Variants in GALNT18 observed in about 807,000 individuals in gnomAD.
GALNT18 encodes the protein polypeptide N-acetylgalactosaminyltransferase 18, also known as GalNAc-transferase 18.
A neutral mutation model predicts 69.5 loss-of-function variants in GALNT18; 44 were observed. The ratio of observed to expected loss-of-function variants is 0.63; its 90% CI spans 0.50 to 0.81. The LOEUF is 0.81. Among genes scored for constraint, GALNT18 ranks in the 40% least tolerant of loss-of-function variants. The pLI is 0.00. For missense variants in GALNT18, 715 were observed against 810.0 expected, an observed-to-expected ratio of 0.88 and a Z score of 1.42; for synonymous variants, 364 against 318.2, an observed-to-expected ratio of 1.14 and a Z score of -1.53.
chr11:11,593,744 C>G lies in GALNT18; in HGVS notation c.235+27615G>C, dbSNP rs1489156278. Among the ~76,000 whole-genome samples, 6 of 152,236 alleles carry G rather than the reference C, an allele frequency of 3.9e-5. No individual in the cohort carries two copies. The East Asian group carries it at 1.2e-3, about 29-fold the overall frequency. On this transcript the variant is annotated intron_variant, in intron 1 of 10. Coordinates refer to ENST00000227756, the MANE Select transcript of GALNT18 (RefSeq NM_198516.3). ...AGGAGTTTGAGACCAGCCTGGGTAA[C>G]ACAGCAAGACCCCATTTCTAACAAA...
At chr11:11,391,174 A>T (rs1589963106) in intron 3 of GALNT18, among the ~76,000 whole-genome samples, 1 of 152,204 alleles carries the variant, frequency 6.6e-6, no homozygotes, top group Non-Finnish European at 1.5e-5. Context: ...TTCAAGGGCC[A>T]CTTACCACCT....
intron 10 of GALNT18, among the ~76,000 whole-genome samples, chr11:11,287,284 ACAT>A (rs1390485660): frequency 2.6e-5 from 4 of 152,366 alleles, no homozygotes; most frequent in African/African-American, 9.6e-5. Flanking sequence ...TTGGAGGACC[ACAT>A]CATAACAACA....
chr11:11,373,641 T>C lies in GALNT18; in HGVS notation c.978-1012A>G, dbSNP rs117932721. On this transcript the variant is annotated intron_variant, in intron 5 of 10. Transcript: ENST00000227756. ...GGCTGGAACAACCTGCCAACAGCTA[T>C]GGGGTCCAGGAGCTGGAAGGCTTTT... Among the ~76,000 whole-genome samples, 555 of 152,352 alleles carry C rather than the reference T, an allele frequency of 3.6e-3. 2 individuals carry two copies. Among genetic ancestry groups the C allele is most frequent in the Non-Finnish European group, 6.5e-3 (439 of 68,026 alleles).
intron 10 of GALNT18, among the ~76,000 whole-genome samples, chr11:11,285,142 C>G (rs921742769): frequency 1.3e-5 from 2 of 151,958 alleles, no homozygotes; most frequent in Non-Finnish European, 2.9e-5. Flanking sequence ...ATATTTGCGA[C>G]AGGCTCAGCA....
intron 1 of GALNT18, among the ~76,000 whole-genome samples, chr11:11,560,151 T>C (rs1415627091): frequency 9.7e-5 from 14 of 144,276 alleles, no homozygotes; most frequent in African/African-American, 3.2e-4. Context: ...GAATGGGATA[T>C]GATGGGATGT....
Position 11,564,372 on chromosome 11 carries a change from A to G in GALNT18, c.235+56987T>C, listed in dbSNP as rs2133987639. Among the ~76,000 whole-genome samples, 1 of 152,266 alleles carries G rather than the reference A, an allele frequency of 6.6e-6. No homozygotes were observed. The highest frequency in any genetic ancestry group is 2.1e-4 in the South Asian group (1 of 4,816). On this transcript the variant is annotated intron_variant, in intron 1 of 10. Coordinates refer to ENST00000227756, the MANE Select transcript of GALNT18 (RefSeq NM_198516.3). This position sits in a 1 kb window ranked among gnomAD's most constrained non-coding sequence, Gnocchi z 4.3. ...CTGGCAACTCCAGCTGAGAACCCAAATCCCCGGAAGGATTCCAGGCAAGTG... is the reference window on the plus strand; with the variant it reads ...CTGGCAACTCCAGCTGAGAACCCAAGTCCCCGGAAGGATTCCAGGCAAGTG...
chr11:11,431,253 T>C (rs1276995957), intron 3 of GALNT18, among the ~76,000 whole-genome samples: 1 of 152,150 alleles, frequency 6.6e-6, no homozygotes, highest in Non-Finnish European at 1.5e-5. Flanking sequence ...CCTTACAATG[T>C]AAGACGTGAG....
intron 1 of GALNT18, among the ~76,000 whole-genome samples, chr11:11,473,556 G>C (rs749045451): frequency 1.3e-5 from 2 of 152,276 alleles, no homozygotes; most frequent in African/African-American, 2.4e-5. Flanking sequence ...TGCAGACGGT[G>C]CAGAGTGAAA....
At chr11:11,608,982 T>C (rs935969696) in intron 1 of GALNT18, among the ~76,000 whole-genome samples, 2 of 152,240 alleles carry the variant, frequency 1.3e-5, no homozygotes, top group Non-Finnish European at 2.9e-5. Flanking sequence ...TTAACCCTCA[T>C]TACATGAGTT....
Position 11,372,010 on chromosome 11 carries a change from A to C in GALNT18, c.1092+505T>G, listed in dbSNP as rs547763048. On this transcript the variant is annotated intron_variant, in intron 6 of 10. Coordinates refer to ENST00000227756, the MANE Select transcript of GALNT18 (RefSeq NM_198516.3). This position sits in a 1 kb window ranked among gnomAD's most constrained non-coding sequence, Gnocchi z 4.9. Reference sequence around the variant, plus strand: ...TGGCTAGCACCTGGGATCAGAAAGCAGCCTGCAGTGAGCCTGGCTGCATCT... The same window carrying C: ...TGGCTAGCACCTGGGATCAGAAAGCCGCCTGCAGTGAGCCTGGCTGCATCT... Among the ~76,000 whole-genome samples, 18 of 152,332 alleles carry C rather than the reference A, an allele frequency of 1.2e-4. No homozygotes were observed. The East Asian group carries it at 3.1e-3, about 26-fold the overall frequency.
At chr11:11,433,531 G>A (rs1024606450) in intron 2 of GALNT18, among the ~76,000 whole-genome samples, 1 of 152,188 alleles carries the variant, frequency 6.6e-6, no homozygotes, top group African/African-American at 2.4e-5. Flanking sequence ...AGCAGAAATG[G>A]CCATGAAAGA....
intron 3 of GALNT18, among the ~76,000 whole-genome samples, chr11:11,420,856 C>G (rs937193552): frequency 3.3e-5 from 5 of 152,156 alleles, no homozygotes; most frequent in African/African-American, 1.2e-4. Context: ...CAACACTCAG[C>G]TCCAGTTTGG....
chr11:11,505,541 G>A lies in GALNT18; in HGVS notation c.236-56605C>T, dbSNP rs191376855. On this transcript the variant is annotated intron_variant, in intron 1 of 10. Coordinates refer to ENST00000227756, the MANE Select transcript of GALNT18 (RefSeq NM_198516.3). The surrounding 1 kb of genome is among the most constrained non-coding windows in gnomAD (Gnocchi z 4.6). ...GTAATAGGAGCTGGCATCATCCTGGGTTGCATATTACAGCTTCCATTGCCT... is the reference window on the plus strand; with the variant it reads ...GTAATAGGAGCTGGCATCATCCTGGATTGCATATTACAGCTTCCATTGCCT... Among the ~76,000 whole-genome samples the A allele has an allele frequency of 2.3e-4, 35 of 152,214 alleles. No homozygotes were observed. Among genetic ancestry groups the A allele is most frequent in the African/African-American group, 7.7e-4 (32 of 41,542 alleles).
chr11:11,334,830 G>T (rs1850082225), intron 7 of GALNT18, among the ~76,000 whole-genome samples: 2 of 152,080 alleles, frequency 1.3e-5, no homozygotes, highest in Non-Finnish European at 2.9e-5. Flanking sequence ...TCACCTCTGT[G>T]CCCCCAGGCC....
At chr11:11,487,760 C>A (rs566741129) in intron 1 of GALNT18, among the ~76,000 whole-genome samples, 2 of 152,298 alleles carry the variant, frequency 1.3e-5, no homozygotes, top group Admixed American at 6.5e-5. Context: ...CCAGAGCTAG[C>A]CAGTCCACAC....
intron 8 of GALNT18, among the ~76,000 whole-genome samples, chr11:11,327,928 G>A (rs1000910816): frequency 1.3e-5 from 2 of 152,124 alleles, no homozygotes; most frequent in Admixed American, 6.5e-5. Flanking sequence ...ACCAACCCAC[G>A]CTTCAGAATT....
Position 11,461,967 on chromosome 11 carries a change from C to T in GALNT18, c.236-13031G>A, listed in dbSNP as rs888294310. ...GCTCCCCTGTCTCAAACAGCCTCTCCCAGGAAGCCTGCCTGTTTCCAGTTT... is the reference window on the plus strand; with the variant it reads ...GCTCCCCTGTCTCAAACAGCCTCTCTCAGGAAGCCTGCCTGTTTCCAGTTT... On this transcript the variant is annotated intron_variant, in intron 1 of 10. Transcript: ENST00000227756. This position sits in a 1 kb window ranked among gnomAD's most constrained non-coding sequence, Gnocchi z 4.1. 6.6e-6 allele frequency among the ~76,000 whole-genome samples: 1 copy of T among 152,218 alleles called. No homozygotes were observed. The highest frequency in any genetic ancestry group is 2.4e-5 in the African/African-American group (1 of 41,462).
intron 4 of GALNT18, among the ~76,000 whole-genome samples, chr11:11,378,825 C>T (rs1042003118): frequency 2.0e-5 from 3 of 152,286 alleles, no homozygotes; most frequent in Middle Eastern, 3.4e-3. Flanking sequence ...GCCAGAGTCA[C>T]ATGTGATGTC....
At chr11:11,474,339 T>C (rs972275949) in intron 1 of GALNT18, among the ~76,000 whole-genome samples, 10 of 152,072 alleles carry the variant, frequency 6.6e-5, no homozygotes, top group Non-Finnish European at 1.0e-4. Context: ...AGAACCAAAA[T>C]GGCACGAGTG....
Sources: allele counts gnomAD v4.1 joint callset (sites outside exome capture counted in the v4.1 genomes callset), GRCh38; gene constraint gnomAD v4.1.1; non-coding constraint Gnocchi (gnomAD v3.1); transcripts MANE v1.5; gene names NCBI Gene and HGNC (gene_info 2026-07-23, HGNC 2026-07-21).